The following PAFAH1B2 variants were observed in gnomAD, a reference collection of about 807,000 sequenced individuals.
PAFAH1B2 encodes the protein platelet activating factor acetylhydrolase 1b catalytic subunit 2.
Under a neutral mutation model 28.0 loss-of-function variants are expected in PAFAH1B2, and 8 were observed. That is an observed-to-expected ratio of 0.29 (90% confidence interval 0.17 to 0.52). The LOEUF is 0.52. Ranked by LOEUF, PAFAH1B2 falls within the 20% of genes least tolerant of loss-of-function variation. The pLI is 0.97. For synonymous variants in PAFAH1B2, 104 were observed against 103.2 expected, an observed-to-expected ratio of 1.01 and a Z score of -0.05; for missense variants, 190 against 282.6, an observed-to-expected ratio of 0.67 and a Z score of 2.35.
intron 1 of PAFAH1B2, among the ~76,000 whole-genome samples, chr11:117,145,850 T>A (rs1955991519): frequency 6.6e-6 from 1 of 152,258 alleles, no homozygotes; most frequent in Non-Finnish European, 1.5e-5. Context: ...GGAGAAGTTA[T>A]AACGCTTTGT....
chr11:117,164,961 T>G (rs1282404993), intron 5 of PAFAH1B2, among the ~76,000 whole-genome samples: 1 of 148,174 alleles, frequency 6.7e-6, no homozygotes, highest in African/African-American at 2.5e-5. Context: ...CTTTTTTCTT[T>G]TTTTTTTTTT....
At chr11:117,176,862 G>A (rs2030008981) in exon 6 of PAFAH1B2, 4 of 139,706 alleles carry the variant, frequency 2.9e-5, no homozygotes, top group African/African-American at 8.1e-5. Context: ...GGGTGACAGT[G>A]AGACTCCATC....
Position 117,168,446 on chromosome 11 carries a change from G to GGTTTTTTTTTTT in PAFAH1B2, c.*747_*748insGTTTTTTTTTTT. 1 of 234,820 alleles carries GGTTTTTTTTTTT rather than the reference G, an allele frequency of 4.3e-6. No homozygotes were observed. The highest frequency in any genetic ancestry group is 5.0e-6 in the Non-Finnish European group (1 of 200,708). The allele number at this position is 234,820 out of a possible 1,614,324, so 14.5% of individuals were successfully genotyped here. On this transcript the variant is annotated 3_prime_UTR_variant, in exon 6 of 6. Transcript: ENST00000527958. Reference sequence around the variant, plus strand: ...TCCCCTTCATTCCCCCCGCCACCCCGTTTTTTTTTTTTTTTTTTTTTTTTT... The same window carrying GGTTTTTTTTTTT: ...TCCCCTTCATTCCCCCCGCCACCCCGGTTTTTTTTTTTTTTTTTTTTTTTTTTTTTTTTTTTT...
chr11:117,151,233 C>CT (rs11449159), intron 1 of PAFAH1B2, among the ~76,000 whole-genome samples: 104,870 of 133,856 alleles, frequency 0.78, 42,026 homozygotes, highest in Non-Finnish European at 0.87. Flanking sequence ...TTTTCTTTTT[C>CT]TTTTTTTTTT....
chr11:117,149,429 C>CATTTTTTTTTTTTTT (rs1565260556), intron 1 of PAFAH1B2, among the ~76,000 whole-genome samples: 1 of 33,518 alleles, frequency 3.0e-5, no homozygotes, highest in African/African-American at 1.1e-4. Context: ...GTTTTCTAAT[C>CATTTTTTTTTTTTTT]GTTTTTTTTT....
In PAFAH1B2 at chr11:117,170,205, A is replaced by T. The variant is rs1028374902; in HGVS notation, c.*2506A>T. On this transcript the variant is annotated 3_prime_UTR_variant, in exon 6 of 6. Coordinates refer to ENST00000527958, the MANE Select transcript of PAFAH1B2 (RefSeq NM_002572.4). ...TTACTGCTTAGTCTTTGTACTTTTT[A>T]AAAAATCTATAAATTTAATGCACTG... The T allele has an allele frequency of 1.0e-4, 109 of 1,058,092 alleles. No homozygotes were observed. Among genetic ancestry groups the T allele is most frequent in the Non-Finnish European group, 1.2e-4 (106 of 874,940 alleles). The allele number at this position is 1,058,092 out of a possible 1,614,324, so 65.5% of individuals were successfully genotyped here.
In PAFAH1B2 at chr11:117,170,352, A is replaced by T. The variant is rs542784334; in HGVS notation, c.*2653A>T. ...ATTCCTTCGCCCACGCATTCCTGCT[A>T]TACTAGATGGCAGCCAGTGATGGAA... On this transcript the variant is annotated 3_prime_UTR_variant, in exon 6 of 6. Coordinates refer to ENST00000527958, the MANE Select transcript of PAFAH1B2 (RefSeq NM_002572.4). The T allele has an allele frequency of 6.3e-4, 671 of 1,060,356 alleles. 1 individual carries two copies. Among genetic ancestry groups the T allele is most frequent in the South Asian group, 7.8e-4 (17 of 21,798 alleles). The allele number at this position is 1,060,356 out of a possible 1,614,324, so 65.7% of individuals were successfully genotyped here.
chr11:117,174,212 TTCAC>T, downstream of PAFAH1B2, among the ~76,000 whole-genome samples: 1 of 91,296 alleles, frequency 1.1e-5, no homozygotes, highest in East Asian at 2.8e-4. Context: ...GTGTGGCAGT[TTCAC>T]TCTTGTTGCC....
intron 2 of PAFAH1B2, among the ~76,000 whole-genome samples, chr11:117,153,955 A>G (rs920442170): frequency 9.4e-5 from 14 of 149,590 alleles, no homozygotes; most frequent in African/African-American, 3.5e-4. Flanking sequence ...ACAGGGCAGT[A>G]TACAGTGGCT....
chr11:117,171,381 A>G (rs923700243), downstream of PAFAH1B2, among the ~76,000 whole-genome samples: 1 of 152,180 alleles, frequency 6.6e-6, no homozygotes, highest in Non-Finnish European at 1.5e-5. Context: ...ATCAGTCAGT[A>G]TAATACAGTG....
chr11:117,162,355 G>C (rs1055070558), intron 4 of PAFAH1B2, among the ~76,000 whole-genome samples: 3 of 151,826 alleles, frequency 2.0e-5, no homozygotes, highest in Non-Finnish European at 4.4e-5. Context: ...TGCCTAGGCT[G>C]GTGTCAAACT....
downstream of PAFAH1B2, chr11:117,174,832 C>A: frequency 9.0e-7 from 1 of 1,115,462 alleles, no homozygotes; most frequent in South Asian, 1.5e-5. Flanking sequence ...CCAGGCTGGT[C>A]TCAAACTCCT....
downstream of PAFAH1B2, chr11:117,171,745 C>G (rs575125700): frequency 1.4e-5 from 22 of 1,535,190 alleles, no homozygotes; most frequent in South Asian, 2.1e-4. Flanking sequence ...AGCAATATTA[C>G]AGTGAGTTGG....
chr11:117,164,703 A>G (rs1956461872), intron 5 of PAFAH1B2, among the ~76,000 whole-genome samples: 1 of 152,042 alleles, frequency 6.6e-6, no homozygotes, highest in Non-Finnish European at 1.5e-5. Context: ...TTAACTCTTC[A>G]TGGTCTCAAA....
At chr11:117,152,583 CTGTTT>C (rs912216369) in intron 2 of PAFAH1B2, 55 bp downstream of exon 2, 87 of 1,313,324 alleles carry the variant, frequency 6.6e-5, no homozygotes, top group Non-Finnish European at 8.6e-5. Context: ...AGTTTTTTGT[CTGTTT>C]TGTTTTAGTT....
chr11:117,166,061 G>A (rs932037282), intron 5 of PAFAH1B2, among the ~76,000 whole-genome samples: 5 of 152,032 alleles, frequency 3.3e-5, no homozygotes, highest in African/African-American at 9.7e-5. Context: ...GGCTGGTCTC[G>A]AACTCCTGAC....
chr11:117,148,792 C>G lies in PAFAH1B2; in HGVS notation c.-7-3649C>G, dbSNP rs148211300. 3.9e-5 allele frequency among the ~76,000 whole-genome samples: 6 copies of G among 152,172 alleles called. No individual in the cohort carries two copies. In the South Asian group the frequency reaches 1.0e-3, roughly 26 times the overall value. ...AAGAGATCGTATAATTTATATAGATCATTGGTCTTGAAAGAGTGTGTGTAT... is the reference window on the plus strand; with the variant it reads ...AAGAGATCGTATAATTTATATAGATGATTGGTCTTGAAAGAGTGTGTGTAT... On this transcript the variant is annotated intron_variant, in intron 1 of 5. Coordinates refer to ENST00000527958, the MANE Select transcript of PAFAH1B2 (RefSeq NM_002572.4).
At chr11:117,158,950 A>G (rs1956312561) in intron 2 of PAFAH1B2, among the ~76,000 whole-genome samples, 4 of 152,182 alleles carry the variant, frequency 2.6e-5, no homozygotes, top group Admixed American at 2.6e-4. Flanking sequence ...ATTTGGTTTT[A>G]TAAGAGGATG....
chr11:117,168,445 C>CTTTT lies in PAFAH1B2; in HGVS notation c.*746_*747insTTTT, dbSNP rs1565274998. 3.8e-4 allele frequency: 133 copies of CTTTT among 354,218 alleles called. No individual in the cohort carries two copies. Among genetic ancestry groups the CTTTT allele is most frequent in the Admixed American group, 1.4e-3 (5 of 3,552 alleles). The allele number at this position is 354,218 out of a possible 1,614,324, so 21.9% of individuals were successfully genotyped here. A position where few individuals can be genotyped will look rare whatever the true frequency, so the allele number is the denominator to read the frequency against. On this transcript the variant is annotated 3_prime_UTR_variant, in exon 6 of 6. Coordinates refer to ENST00000527958, the MANE Select transcript of PAFAH1B2 (RefSeq NM_002572.4). ...TTCCCCTTCATTCCCCCCGCCACCC[C>CTTTT]GTTTTTTTTTTTTTTTTTTTTTTTT...
Sources: allele counts gnomAD v4.1 joint callset (sites outside exome capture counted in the v4.1 genomes callset), GRCh38; gene constraint gnomAD v4.1.1; transcripts MANE v1.5; gene names NCBI Gene and HGNC (gene_info 2026-07-23, HGNC 2026-07-21).